Variants in THSD7B observed in about 807,000 individuals in gnomAD.
THSD7B encodes thrombospondin type 1 domain containing 7B, also known as thrombospondin type-1 domain-containing protein 7B.
THSD7B carries 138 observed loss-of-function variants against 213.6 expected under a neutral mutation model. The observed-to-expected ratio is 0.65, with a 90% CI of 0.56 to 0.74. The LOEUF is 0.74. THSD7B is among the 30% of genes least tolerant of loss of function. THSD7B has a pLI of 0.00. For missense variants in THSD7B, 1,931 were observed against 1,991.5 expected (o/e 0.97, Z 0.58); for synonymous variants, 742 against 687.0 (o/e 1.08, Z -1.25).
chr2:137,316,382 G>A (rs1441348902), intron 12 of THSD7B, among the ~76,000 whole-genome samples: 1 of 152,230 alleles, frequency 6.6e-6, no homozygotes, highest in Non-Finnish European at 1.5e-5. Flanking sequence ...TTTCCCTGAT[G>A]AGTTCCCCTC....
intron 15 of THSD7B, among the ~76,000 whole-genome samples, chr2:137,538,662 G>A (rs1041747944): frequency 2.6e-5 from 4 of 151,616 alleles, no homozygotes; most frequent in East Asian, 1.9e-4. Flanking sequence ...TTTCTCAAAC[G>A]TTGCTGTTGA....
At chr2:137,391,088 A>C (rs28857184) in intron 12 of THSD7B, among the ~76,000 whole-genome samples, 1 of 151,710 alleles carries the variant, frequency 6.6e-6, no homozygotes. Flanking sequence ...TCTGATCCTC[A>C]GCTTTTTGTT....
chr2:137,129,057 T>C (rs1050068367), intron 5 of THSD7B, among the ~76,000 whole-genome samples: 1 of 152,168 alleles, frequency 6.6e-6, no homozygotes, highest in Admixed American at 6.5e-5. Flanking sequence ...GTGGCTTTTT[T>C]TCATGACCCT....
At chr2:136,974,988 A>C (rs1685457080) in intron 2 of THSD7B, among the ~76,000 whole-genome samples, 1 of 149,822 alleles carries the variant, frequency 6.7e-6, no homozygotes, top group African/African-American at 2.4e-5. Flanking sequence ...TGGCCACATA[A>C]ATGTCTTATT....
chr2:137,064,299 T>A (rs1687335782), intron 3 of THSD7B, among the ~76,000 whole-genome samples: 1 of 152,126 alleles, frequency 6.6e-6, no homozygotes. Context: ...GTCATTTCTA[T>A]GTATTCTTTT....
chr2:137,134,382 G>A (rs144895120), intron 5 of THSD7B, among the ~76,000 whole-genome samples: 2 of 152,326 alleles, frequency 1.3e-5, no homozygotes, highest in African/African-American at 4.8e-5. Context: ...TCTAGCAGCA[G>A]TGGTCTCCTG....
intron 2 of THSD7B, among the ~76,000 whole-genome samples, chr2:136,893,129 C>T (rs1683894957): frequency 6.6e-6 from 1 of 152,106 alleles, no homozygotes; most frequent in South Asian, 2.1e-4. Flanking sequence ...TCTGTTTGTT[C>T]TGGAATATAA....
chr2:137,242,549 C>G lies in THSD7B; in HGVS notation c.2243C>G (p.Pro748Arg), dbSNP rs1392295182. ...CIVTAFSEWTPCPRMCQAGNA... is the reference protein window; with the variant it reads ...CIVTAFSEWTRCPRMCQAGNA... ...GTGACTGCTTTCAGTGAGTGGACAC[C>G]CTGCCCAAGGATGTGCCAAGCAGGT... The change falls in exon 10 of 28, where the codon CCC becomes CGC. Residue 748 changes from proline to arginine, a missense_variant. Coordinates refer to ENST00000409968, the MANE Select transcript of THSD7B (RefSeq NM_001316349.2). 2 of 1,613,606 alleles carry G rather than the reference C, an allele frequency of 1.2e-6. No homozygotes were observed. The highest frequency in any genetic ancestry group is 1.7e-6 in the Non-Finnish European group (2 of 1,179,740).
intron 5 of THSD7B, among the ~76,000 whole-genome samples, chr2:137,142,519 AGAT>A (rs1679607193): frequency 6.6e-6 from 1 of 152,188 alleles, no homozygotes; most frequent in South Asian, 2.1e-4. Context: ...GAGAAATTAA[AGAT>A]GATACCTAAA....
At chr2:137,512,135 A>G (rs1344292443) in intron 15 of THSD7B, 1 of 152,154 alleles carries the variant, frequency 6.6e-6, no homozygotes, top group African/African-American at 2.4e-5. Context: ...TCTCCCATCC[A>G]AGTACTAACT....
chr2:137,043,377 C>T (rs1216891487), intron 2 of THSD7B, among the ~76,000 whole-genome samples: 1 of 152,034 alleles, frequency 6.6e-6, no homozygotes, highest in Non-Finnish European at 1.5e-5. Context: ...ATGCTTGGTT[C>T]TTTATGGTAC....
chr2:136,873,452 AG>A (rs1440836966), intron 1 of THSD7B, among the ~76,000 whole-genome samples: 3 of 152,178 alleles, frequency 2.0e-5, no homozygotes, highest in African/African-American at 7.2e-5. Flanking sequence ...TGTCATTGCA[AG>A]GCCGGAGGTT....
chr2:137,013,915 G>A (rs1178001000), intron 2 of THSD7B, among the ~76,000 whole-genome samples: 1 of 152,196 alleles, frequency 6.6e-6, no homozygotes, highest in Non-Finnish European at 1.5e-5. Context: ...ACAGCAGTCT[G>A]TTACATTCAT....
chr2:137,466,767 T>C (rs970223282), intron 15 of THSD7B, among the ~76,000 whole-genome samples: 18 of 152,070 alleles, frequency 1.2e-4, no homozygotes, highest in African/African-American at 4.3e-4. Context: ...AGTAAGGAAA[T>C]GCATTACTTC....
At chr2:137,521,248 G>A (rs1042161919) in intron 15 of THSD7B, among the ~76,000 whole-genome samples, 1 of 152,044 alleles carries the variant, frequency 6.6e-6, no homozygotes, top group Non-Finnish European at 1.5e-5. Context: ...ATCTCAATTC[G>A]TTTTCACAGC....
chr2:137,431,508 A>C (rs538666901), intron 14 of THSD7B, among the ~76,000 whole-genome samples: 5 of 152,232 alleles, frequency 3.3e-5, no homozygotes, highest in African/African-American at 1.2e-4. Flanking sequence ...TTTTCTCCAC[A>C]AAAGATGGCT....
Position 137,057,213 on chromosome 2 carries a change from A to T in THSD7B, c.933A>T (p.Gly311=), listed in dbSNP as rs1187021126. 6.2e-6 allele frequency: 10 copies of T among 1,612,066 alleles called. No homozygotes were observed. Among genetic ancestry groups the T allele is most frequent in the Non-Finnish European group, 8.5e-6 (10 of 1,178,694 alleles). Residue 311 remains glycine (G), a synonymous_variant, in exon 3 of 28, where the codon GGA becomes GGT. Transcript: ENST00000409968. ...TRQVSCTRSD[G]QNAMLSLCLQ... is the part of the protein sequence containing the mutation. Reference sequence around the variant, plus strand: ...AGGTTTCGTGTACAAGAAGTGATGGACAAAATGCTATGTTAAGGTAGGAGA... The same window carrying T: ...AGGTTTCGTGTACAAGAAGTGATGGTCAAAATGCTATGTTAAGGTAGGAGA...
chr2:136,796,499 C>G (rs1217623794), intron 1 of THSD7B, among the ~76,000 whole-genome samples: 1 of 151,946 alleles, frequency 6.6e-6, no homozygotes. Context: ...ACTAGCTCTA[C>G]CAAGGCCCCA....
chr2:136,819,549 G>A lies in THSD7B; in HGVS notation c.-36+53862G>A, dbSNP rs550027105. ...CTCTGGACTTATCCTCAATGTACTG[G>A]GGAAAAGGCACTCACTCTCCCTGGG... On this transcript the variant is annotated intron_variant, in intron 1 of 27. Transcript: ENST00000409968. 4.9e-4 allele frequency among the ~76,000 whole-genome samples: 74 copies of A among 152,150 alleles called. 1 individual carries two copies. The highest frequency in any genetic ancestry group is 1.7e-3 in the African/African-American group (70 of 41,502).
Sources: gnomAD v4.1 joint callset for allele counts (sites outside exome capture counted in the v4.1 genomes callset) on GRCh38, gnomAD v4.1.1 for gene constraint, MANE v1.5 for transcripts, NCBI Gene and HGNC (gene_info 2026-07-23, HGNC 2026-07-21) for gene names.